RANBP2: variants seen among roughly 807,000 people sequenced by gnomAD.
RANBP2 encodes RAN binding protein 2.
In RANBP2, 57 loss-of-function variants were observed where a neutral mutation model predicts 303.6. That is an observed-to-expected ratio of 0.19 (90% confidence interval 0.15 to 0.23). The LOEUF (loss-of-function observed/expected upper bound fraction) is 0.23. Ranked by LOEUF, RANBP2 falls within the 10% of genes least tolerant of loss-of-function variation. The pLI is 1.00. For missense variants in RANBP2, 3,138 were observed against 3,780.8 expected, an observed-to-expected ratio of 0.83 and a Z score of 4.46; for synonymous variants, 1,167 against 1,301.5, an observed-to-expected ratio of 0.90 and a Z score of 2.23.
chr2:109,450,247 G>A, the RANBP2 span, among the ~76,000 whole-genome samples: 2 of 152,212 alleles, frequency 1.3e-5, no homozygotes, highest in South Asian at 2.1e-4. Flanking sequence ...CTAGGAGGCT[G>A]AGGCAGGAGA....
the RANBP2 span, among the ~76,000 whole-genome samples, chr2:108,953,316 C>G: frequency 2.0e-5 from 3 of 152,126 alleles, no homozygotes; most frequent in African/African-American, 7.2e-5. Context: ...CAAGACCCAC[C>G]GGTAAACTTC....
the RANBP2 span, among the ~76,000 whole-genome samples, chr2:109,700,898 G>A: frequency 6.6e-6 from 1 of 152,032 alleles, no homozygotes; most frequent in Admixed American, 6.6e-5. Context: ...CAGGTGGGAA[G>A]GTGATGTGGG....
the RANBP2 span, among the ~76,000 whole-genome samples, chr2:108,967,063 T>C: frequency 6.6e-5 from 10 of 152,204 alleles, no homozygotes; most frequent in African/African-American, 9.6e-5. Context: ...GCCTCCCAAG[T>C]AGCTGGGATT....
At chr2:109,490,198 T>C in the RANBP2 span, among the ~76,000 whole-genome samples, 1 of 152,214 alleles carries the variant, frequency 6.6e-6, no homozygotes, top group Non-Finnish European at 1.5e-5. Flanking sequence ...AAGATGTCCA[T>C]GTAGGCACCA....
the RANBP2 span, among the ~76,000 whole-genome samples, chr2:108,997,096 ACTC>A: frequency 1.3e-5 from 2 of 151,716 alleles, no homozygotes; most frequent in Non-Finnish European, 2.9e-5. Context: ...ACTTTCCTAA[ACTC>A]CTCATTCTGT....
chr2:109,490,018 A>G, the RANBP2 span, among the ~76,000 whole-genome samples: 8 of 152,290 alleles, frequency 5.3e-5, no homozygotes, highest in East Asian at 1.9e-4. Context: ...GATTACAGGC[A>G]TGAGCCACCG....
At chr2:109,071,628 C>T in the RANBP2 span, among the ~76,000 whole-genome samples, 1 of 151,724 alleles carries the variant, frequency 6.6e-6, no homozygotes, top group Non-Finnish European at 1.5e-5. Flanking sequence ...GAGCCAAGAT[C>T]ACACCACTGC....
At chr2:109,501,627 G>A in the RANBP2 span, 9 of 777,376 alleles carry the variant, frequency 1.2e-5, no homozygotes, top group Admixed American at 1.7e-5. Context: ...GCAGCGGAAC[G>A]GCCGCACAGG....
At chr2:109,064,467 A>AC in the RANBP2 span, among the ~76,000 whole-genome samples, 6 of 148,854 alleles carry the variant, frequency 4.0e-5, no homozygotes, top group East Asian at 4.0e-4. Context: ...AAAAAAAAAA[A>AC]AAAACAAAAA....
At chr2:109,512,141 C>T in the RANBP2 span, among the ~76,000 whole-genome samples, 2 of 152,146 alleles carry the variant, frequency 1.3e-5, no homozygotes, top group South Asian at 2.1e-4. Context: ...GGGGCTTGTC[C>T]GCCCTCCTCG....
chr2:109,673,339 A>T, the RANBP2 span, among the ~76,000 whole-genome samples: 1 of 152,272 alleles, frequency 6.6e-6, no homozygotes, highest in African/African-American at 2.4e-5. Context: ...TTTTGCCCAC[A>T]TGAGAGGACC....
the RANBP2 span, among the ~76,000 whole-genome samples, chr2:109,315,282 G>C: frequency 3.3e-5 from 5 of 152,204 alleles, no homozygotes. Flanking sequence ...GAAACACCCA[G>C]CAATTTAATA....
the RANBP2 span, among the ~76,000 whole-genome samples, chr2:109,510,801 C>G: frequency 6.6e-6 from 1 of 152,200 alleles, no homozygotes; most frequent in Admixed American, 6.5e-5. Flanking sequence ...TGCTGGGTGA[C>G]TGCAACAAAA....
chr2:109,301,452 C>G, the RANBP2 span, among the ~76,000 whole-genome samples: 2 of 152,106 alleles, frequency 1.3e-5, no homozygotes, highest in Non-Finnish European at 2.9e-5. Flanking sequence ...GGATTGCTGG[C>G]CCCTTCGCTG....
the RANBP2 span, among the ~76,000 whole-genome samples, chr2:109,468,472 G>C: frequency 6.6e-6 from 1 of 152,114 alleles, no homozygotes; most frequent in East Asian, 1.9e-4. Context: ...CATGCTGCTT[G>C]GTCCCACTGG....
the RANBP2 span, among the ~76,000 whole-genome samples, chr2:109,476,082 A>G: frequency 6.6e-6 from 1 of 152,180 alleles, no homozygotes; most frequent in Non-Finnish European, 1.5e-5. Flanking sequence ...AGAAACTTGT[A>G]AGAGGGCAGA....
the RANBP2 span, among the ~76,000 whole-genome samples, chr2:109,608,060 CT>C: frequency 7.2e-5 from 11 of 151,842 alleles, no homozygotes; most frequent in East Asian, 2.1e-3. Flanking sequence ...CATTTCTCAT[CT>C]ATACACATAG....
intron 18 of RANBP2, 118 bp from the exon 19 acceptor site, chr2:108,761,983 T>C (rs1407646662): frequency 7.6e-7 from 1 of 1,309,630 alleles, no homozygotes; most frequent in Non-Finnish European, 1.0e-6. Context: ...TTAAAATTTA[T>C]GTAGTTAAAT....
At chr2:108,786,915 G>T (rs769347069), downstream of RANBP2, 14 of 1,525,286 alleles carry the variant, frequency 9.2e-6, no homozygotes, top group Middle Eastern at 2.0e-4. Flanking sequence ...GCCCCGACGA[G>T]GTGAAGCCGC....
Sources: allele counts gnomAD v4.1 joint callset (sites outside exome capture counted in the v4.1 genomes callset), GRCh38; gene constraint gnomAD v4.1.1; transcripts MANE v1.5; gene names NCBI Gene and HGNC (gene_info 2026-07-23, HGNC 2026-07-21).